Variants in LARP1 observed in about 807,000 individuals in gnomAD.
The protein encoded by LARP1 is La ribonucleoprotein 1, translational regulator, also known as la-related protein 1.
Under a neutral mutation model 122.7 loss-of-function variants are expected in LARP1, and 36 were observed. The observed-to-expected ratio is 0.29, with a 90% CI of 0.22 to 0.39. LARP1 has a LOEUF of 0.39. LARP1 is among the 10% of genes least tolerant of loss of function. The pLI is 1.00. For missense variants in LARP1, 1,040 were observed against 1,403.6 expected, an observed-to-expected ratio of 0.74 and a Z score of 4.14; for synonymous variants, 539 against 528.7, an observed-to-expected ratio of 1.02 and a Z score of -0.27.
chr5:154,755,880 A>G lies in LARP1; in HGVS notation c.123A>G (p.Pro41=). ...PAPEGKGEPG[P]NDVRGGEPDG... is the part of the protein sequence containing the mutation. The stretch of plus-strand genomic sequence containing the variant: ...CCGAGGGCAAGGGCGAGCCCGGGCC[A>G]AACGACGTCCGCGGGGGGGAGCCGG... Residue 41 remains proline (P), a synonymous_variant, in exon 1 of 19, where the codon CCA becomes CCG. Transcript: ENST00000518297. The G allele has an allele frequency of 9.9e-7, 1 of 1,014,058 alleles. No individual in the cohort carries two copies. The highest frequency in any genetic ancestry group is 1.2e-6 in the Non-Finnish European group (1 of 846,564). 62.8% of individuals were successfully genotyped at this position (1,014,058 alleles called of 1,614,324 possible).
At chr5:154,737,043 G>GT (rs1318850893) in intron 1 of LARP1, among the ~76,000 whole-genome samples, 4 of 151,712 alleles carry the variant, frequency 2.6e-5, no homozygotes, top group South Asian at 2.1e-4. Flanking sequence ...TAAATGTGTT[G>GT]TTTTTTTGGT....
At chr5:154,787,154 C>T (rs1488928444) in intron 1 of LARP1, among the ~76,000 whole-genome samples, 1 of 152,224 alleles carries the variant, frequency 6.6e-6, no homozygotes, top group Non-Finnish European at 1.5e-5. Flanking sequence ...GCTGGGATTA[C>T]AGGCGTGAGC....
chr5:154,693,494 A>G (rs1006107025), intron 1 of LARP1, among the ~76,000 whole-genome samples: 1 of 152,206 alleles, frequency 6.6e-6, no homozygotes, highest in Non-Finnish European at 1.5e-5. Context: ...TACATAGCTT[A>G]AAGTGGGATG....
intron 1 of LARP1, among the ~76,000 whole-genome samples, chr5:154,717,144 T>A (rs1413576752): frequency 6.6e-6 from 1 of 151,974 alleles, no homozygotes; most frequent in Non-Finnish European, 1.5e-5. Context: ...AACATGTCTT[T>A]AAAAACCAGA....
At chr5:154,790,788 C>G (rs1561607316) in intron 3 of LARP1, 78 bp downstream of exon 3, 1 of 1,235,284 alleles carries the variant, frequency 8.1e-7, no homozygotes, top group South Asian at 1.2e-5. Context: ...TTCCAGAGAG[C>G]CTCAGCTCTT....
chr5:154,745,926 C>A (rs1398735147), intron 1 of LARP1, among the ~76,000 whole-genome samples: 7 of 151,778 alleles, frequency 4.6e-5, no homozygotes, highest in African/African-American at 1.7e-4. Flanking sequence ...CTTCCGAGTA[C>A]CTGGGATTAC....
intron 1 of LARP1, among the ~76,000 whole-genome samples, chr5:154,788,034 G>T (rs1000913031): frequency 2.0e-5 from 3 of 152,224 alleles, no homozygotes; most frequent in Non-Finnish European, 4.4e-5. Context: ...TGAAGTTGGC[G>T]TTGGTGGTAC....
chr5:154,762,662 A>G (rs2113602853), intron 1 of LARP1, among the ~76,000 whole-genome samples: 1 of 152,338 alleles, frequency 6.6e-6, no homozygotes, highest in South Asian at 2.1e-4. Flanking sequence ...GGACTTCTCC[A>G]TCTCAGTTTG....
chr5:154,715,310 G>T (rs1755436407), intron 1 of LARP1, among the ~76,000 whole-genome samples: 1 of 133,142 alleles, frequency 7.5e-6, no homozygotes, highest in Non-Finnish European at 1.6e-5. Context: ...TATTGCCCAG[G>T]CTGGAGTGCA....
chr5:154,769,716 C>G (rs1227505490), intron 1 of LARP1, among the ~76,000 whole-genome samples: 1 of 152,220 alleles, frequency 6.6e-6, no homozygotes, highest in African/African-American at 2.4e-5. Flanking sequence ...GGATGTCAAT[C>G]TCTAAGGCTC....
chr5:154,813,616 T>G (rs1332896913), intron 18 of LARP1, among the ~76,000 whole-genome samples: 1 of 152,204 alleles, frequency 6.6e-6, no homozygotes, highest in South Asian at 2.1e-4. Context: ...CTGGGGAAGT[T>G]ACTTTTTTGT....
At chr5:154,796,080 T>G (rs1677908261) in intron 8 of LARP1, among the ~76,000 whole-genome samples, 1 of 118,470 alleles carries the variant, frequency 8.4e-6, no homozygotes, top group African/African-American at 3.4e-5. Flanking sequence ...ATAGTATATA[T>G]ATTATATATA....
At chr5:154,764,944 C>T (rs1022652447) in intron 1 of LARP1, among the ~76,000 whole-genome samples, 7 of 151,870 alleles carry the variant, frequency 4.6e-5, no homozygotes, top group Non-Finnish European at 1.0e-4. Flanking sequence ...AACCTATGTC[C>T]AGATCTAAAT....
upstream of LARP1, among the ~76,000 whole-genome samples, chr5:154,755,335 G>C (rs1365393495): frequency 6.7e-6 from 1 of 150,044 alleles, no homozygotes; most frequent in Non-Finnish European, 1.5e-5. Context: ...GCCTGCCGCG[G>C]ATCGCGTGGT....
rs1758201449 is a variant in LARP1, at chr5:154,799,887, TCTC to T, written c.1565_1567del (p.Pro522del). The T allele has an allele frequency of 6.2e-7, 1 of 1,613,878 alleles. No homozygotes were observed. The highest frequency in any genetic ancestry group is 8.5e-7 in the Non-Finnish European group (1 of 1,179,880). On this transcript the variant is annotated inframe_deletion, in exon 10 of 19. Coordinates refer to ENST00000518297, the MANE Select transcript of LARP1 (RefSeq NM_033551.3). ...CCACCCTTTAGAGTCGGCACCTGGC[TCTC>T]CTCGTGCAGTCACCCCAGTGCCAAC...
chr5:154,804,835 T>C (rs893984550), intron 14 of LARP1: 8 of 456,170 alleles, frequency 1.8e-5, no homozygotes, highest in African/African-American at 1.0e-4. Context: ...CACCTACCTA[T>C]GACCAATGCT....
At chr5:154,729,540 G>T in intron 1 of LARP1, 1 of 437,972 alleles carries the variant, frequency 2.3e-6, no homozygotes, top group Admixed American at 2.6e-5. Flanking sequence ...TTCCTGAAAA[G>T]TGTGAAGGAA....
At chr5:154,772,175 C>A (rs950835430) in intron 1 of LARP1, among the ~76,000 whole-genome samples, 3 of 152,158 alleles carry the variant, frequency 2.0e-5, no homozygotes, top group East Asian at 3.9e-4. Flanking sequence ...TTAAAATTTT[C>A]TAGTAGCCAA....
chr5:154,800,138 G>T, intron 10 of LARP1, 96 bp downstream of exon 10: 24 of 1,127,646 alleles, frequency 2.1e-5, no homozygotes, highest in Non-Finnish European at 3.0e-5. Context: ...GCTCTGAGGG[G>T]CCAGCAGGAA....
Sources: gnomAD v4.1 joint callset for allele counts (sites outside exome capture counted in the v4.1 genomes callset) on GRCh38, gnomAD v4.1.1 for gene constraint, MANE v1.5 for transcripts, NCBI Gene and HGNC (gene_info 2026-07-23, HGNC 2026-07-21) for gene names.